WDR44: variants seen among roughly 807,000 people sequenced by gnomAD.
The protein encoded by WDR44 is WD repeat-containing protein 44.
A neutral mutation model predicts 65.7 loss-of-function variants in WDR44; 9 were observed. The observed-to-expected ratio is 0.14, with a 90% CI of 0.08 to 0.24. The LOEUF (loss-of-function observed/expected upper bound fraction) is 0.24. Ranked by LOEUF, WDR44 falls within the 10% of genes least tolerant of loss-of-function variation. The pLI, the probability that WDR44 is intolerant of heterozygous loss-of-function variation, is 1.00. For missense variants in WDR44, 425 were observed against 670.9 expected, an observed-to-expected ratio of 0.63 and a Z score of 4.05; for synonymous variants, 220 against 235.2, an observed-to-expected ratio of 0.94 and a Z score of 0.59.
chrX:118,397,667 G>A (rs922568449), intron 7 of WDR44, among the ~76,000 whole-genome samples: 3 of 111,554 alleles, frequency 2.7e-5, no homozygotes, highest in Non-Finnish European at 3.8e-5. Flanking sequence ...ACTTTACTAC[G>A]AGATGTATGT....
At chrX:118,424,584 A>G (rs748641529) in intron 12 of WDR44, among the ~76,000 whole-genome samples, 89 of 109,542 alleles carry the variant, frequency 8.1e-4, no homozygotes, top group Non-Finnish European at 1.1e-3. Flanking sequence ...GGTTTCTTAC[A>G]TATTTTAGAT....
intron 17 of WDR44, among the ~76,000 whole-genome samples, chrX:118,443,156 G>A (rs1159276311): frequency 9.0e-6 from 1 of 111,563 alleles, no homozygotes. Context: ...TTTCTAATTT[G>A]GGTTCTGGAC....
At chrX:118,414,610 A>C (rs1414623231) in intron 12 of WDR44, among the ~76,000 whole-genome samples, 1 of 111,391 alleles carries the variant, frequency 9.0e-6, no homozygotes, top group East Asian at 2.8e-4. Flanking sequence ...TTGGTTAGGT[A>C]TATTCCTAAG....
chrX:118,444,894 A>G, intron 19 of WDR44: 2 of 324,542 alleles, frequency 6.2e-6, no homozygotes, highest in Non-Finnish European at 1.2e-5. Flanking sequence ...GCCACCAAAG[A>G]ATATTTCTTG....
chrX:118,363,885 G>A (rs1341955866), intron 1 of WDR44, among the ~76,000 whole-genome samples: 1 of 112,173 alleles, frequency 8.9e-6, no homozygotes, highest in African/African-American at 3.2e-5. Flanking sequence ...CTTATCTGCT[G>A]TAATACATCT....
intron 1 of WDR44, among the ~76,000 whole-genome samples, chrX:118,369,593 C>T (rs1244880819): frequency 6.6e-5 from 7 of 106,137 alleles, no homozygotes; most frequent in Non-Finnish European, 1.2e-4. Context: ...CTCAGCCTCC[C>T]GAGTAGCTGG....
At chrX:118,424,323 G>GTGTGTATATATATATACA (rs1289349202) in intron 12 of WDR44, among the ~76,000 whole-genome samples, 2 of 65,566 alleles carry the variant, frequency 3.1e-5, no homozygotes, top group African/African-American at 9.9e-5. Context: ...GTGTGTGTGT[G>GTGTGTATATATATATACA]TATATATATA....
intron 1 of WDR44, among the ~76,000 whole-genome samples, chrX:118,370,793 A>G (rs1336356408): frequency 9.1e-6 from 1 of 110,218 alleles, no homozygotes; most frequent in African/African-American, 3.3e-5. Context: ...CATATTGGCC[A>G]GGATGGTCTT....
chrX:118,439,832 AATCTTGGCTGGGT>A lies in WDR44; in HGVS notation c.1975-1533_1975-1521del, dbSNP rs1218472604. The stretch of plus-strand genomic sequence containing the variant: ...GGAAGGAAAAAAAAAGAAGAAGAAG[AATCTTGGCTGGGT>A]ATGGTGGCTCACTCCTATAATCCCA... On this transcript the variant is annotated intron_variant, in intron 14 of 19. Coordinates refer to ENST00000254029, the MANE Select transcript of WDR44 (RefSeq NM_019045.5). 7.5e-4 allele frequency among the ~76,000 whole-genome samples: 81 copies of A among 107,886 alleles called. 1 individual carries two copies. Among genetic ancestry groups the A allele is most frequent in the African/African-American group, 2.7e-3 (79 of 29,271 alleles). 93.7% of individuals were successfully genotyped at this position (107,886 alleles called of 115,157 possible).
chrX:118,384,776 C>G (rs1193722445), intron 2 of WDR44, among the ~76,000 whole-genome samples: 1 of 111,521 alleles, frequency 9.0e-6, no homozygotes, highest in Admixed American at 9.6e-5. Flanking sequence ...GGCAGTGTGG[C>G]CATTTTAACG....
intron 2 of WDR44, among the ~76,000 whole-genome samples, chrX:118,382,135 T>C (rs931458736): frequency 8.9e-6 from 1 of 112,104 alleles, no homozygotes; most frequent in Non-Finnish European, 1.9e-5. Context: ...TCCCAAAGCA[T>C]TGGGATTACA....
intron 6 of WDR44, 86 bp downstream of exon 6, chrX:118,395,430 G>GGTAAT (rs1373177809): frequency 6.9e-6 from 5 of 721,032 alleles, no homozygotes; most frequent in Non-Finnish European, 1.0e-5. Context: ...GGAGATGGAT[G>GGTAAT]GTAATGATGG....
intron 1 of WDR44, among the ~76,000 whole-genome samples, chrX:118,377,723 CTTTTTT>C (rs1189608732): frequency 1.3e-5 from 1 of 78,761 alleles, no homozygotes; most frequent in Non-Finnish European, 2.4e-5. Flanking sequence ...TCTTCTCTCT[CTTTTTT>C]TTTTTTTTTT....
At chrX:118,387,254 C>A in intron 2 of WDR44, 86 bp from the exon 3 acceptor site, 16 of 422,445 alleles carry the variant, frequency 3.8e-5, no homozygotes, top group Non-Finnish European at 4.1e-5. Flanking sequence ...ATTAATGCTA[C>A]ATTTTCTCAT....
At position 118,441,279 on chromosome X, in the gene WDR44, C is replaced by G. The variant is rs1163929910; in HGVS notation, c.1975-89C>G. ...TGGCCCTGAAATCTACATTTTTAAA[C>G]TATTCTAATAGACTTACTGATTTGA... On this transcript the variant is annotated intron_variant, in intron 14 of 19. Transcript: ENST00000254029. The G allele has an allele frequency of 3.4e-6, 3 of 893,472 alleles. No individual in the cohort carries two copies. In the African/African-American group the frequency reaches 6.0e-5, roughly 18 times the overall value. 73.6% of individuals were successfully genotyped at this position (893,472 alleles called of 1,213,427 possible). A position where few individuals can be genotyped will look rare whatever the true frequency, so the allele number is the denominator to read the frequency against.
intron 1 of WDR44, among the ~76,000 whole-genome samples, chrX:118,352,352 A>ATTTTTTTTTTTT (rs556374639): frequency 2.8e-4 from 4 of 14,224 alleles, no homozygotes; most frequent in Admixed American, 1.8e-3. Flanking sequence ...ATATATATAT[A>ATTTTTTTTTTTT]TTTTTTTTTT....
intron 12 of WDR44, among the ~76,000 whole-genome samples, chrX:118,418,140 G>A (rs1290350682): frequency 9.0e-6 from 1 of 110,870 alleles, no homozygotes; most frequent in Non-Finnish European, 1.9e-5. Context: ...TTTCTCTGGC[G>A]CCTCCCAGAT....
At chrX:118,411,494 A>G (rs978771861) in intron 12 of WDR44, among the ~76,000 whole-genome samples, 3 of 111,689 alleles carry the variant, frequency 2.7e-5, no homozygotes, top group Non-Finnish European at 3.8e-5. Context: ...GCATTAGGTA[A>G]GGGTGATATA....
At chrX:118,387,589 C>T (rs1356520415) in intron 3 of WDR44, among the ~76,000 whole-genome samples, 175 bp downstream of exon 3, 1 of 111,992 alleles carries the variant, frequency 8.9e-6, no homozygotes, top group Non-Finnish European at 1.9e-5. Flanking sequence ...TTTTAGAAGT[C>T]CTTTTCATAT....
Sources: gnomAD v4.1 joint callset for allele counts (sites outside exome capture counted in the v4.1 genomes callset) on GRCh38, gnomAD v4.1.1 for gene constraint, MANE v1.5 for transcripts, NCBI Gene and HGNC (gene_info 2026-07-23, HGNC 2026-07-21) for gene names.